The following ASCC1 variants were observed in gnomAD, a reference collection of about 807,000 sequenced individuals.
ASCC1 encodes the protein activating signal cointegrator 1 complex subunit 1.
A neutral mutation model predicts 46.6 loss-of-function variants in ASCC1; 35 were observed. The observed-to-expected ratio is 0.75, with a 90% CI of 0.57 to 0.99. ASCC1 has a LOEUF of 0.99. ASCC1 is among the 50% of genes least tolerant of loss of function. The pLI, the probability that ASCC1 is intolerant of heterozygous loss-of-function variation, is 0.00. For synonymous variants in ASCC1, 143 were observed against 146.6 expected, an observed-to-expected ratio of 0.98 and a Z score of 0.18; for missense variants, 376 against 428.7, an observed-to-expected ratio of 0.88 and a Z score of 1.09.
At chr10:72,111,781 A>G (rs1842948176) in intron 9 of ASCC1, among the ~76,000 whole-genome samples, 1 of 152,030 alleles carries the variant, frequency 6.6e-6, no homozygotes, top group Non-Finnish European at 1.5e-5. Context: ...AGCTGGGACT[A>G]CAGGTGCCTG....
intron 9 of ASCC1, among the ~76,000 whole-genome samples, chr10:72,115,657 T>C (rs1211886615): frequency 6.6e-6 from 1 of 152,106 alleles, no homozygotes; most frequent in Admixed American, 6.5e-5. Flanking sequence ...AAAGTAAAAG[T>C]AGGTCAAGGC....
chr10:72,115,342 G>C (rs919696697), intron 9 of ASCC1, among the ~76,000 whole-genome samples: 1 of 142,698 alleles, frequency 7.0e-6, no homozygotes, highest in Non-Finnish European at 1.5e-5. Context: ...AGTAGGGAGA[G>C]GGGGGTAGCT....
At chr10:72,172,482 CT>C (rs1168982144) in intron 5 of ASCC1, among the ~76,000 whole-genome samples, 3 of 146,162 alleles carry the variant, frequency 2.1e-5, no homozygotes, top group Non-Finnish European at 4.5e-5. Context: ...TGTTTTTAAG[CT>C]TTTATAGATG....
At chr10:72,156,766 C>T (rs1849028251) in intron 6 of ASCC1, among the ~76,000 whole-genome samples, 1 of 136,122 alleles carries the variant, frequency 7.3e-6, no homozygotes, top group Admixed American at 7.6e-5. Context: ...AATAAGACTC[C>T]ATCTCAAAAA....
chr10:72,185,261 A>G (rs1380410628), intron 5 of ASCC1, among the ~76,000 whole-genome samples: 1 of 152,238 alleles, frequency 6.6e-6, no homozygotes, highest in African/African-American at 2.4e-5. Context: ...TAATCCAACA[A>G]TTACACTATT....
chr10:72,163,445 G>A (rs982820518), intron 5 of ASCC1, among the ~76,000 whole-genome samples: 1 of 152,244 alleles, frequency 6.6e-6, no homozygotes, highest in East Asian at 1.9e-4. Flanking sequence ...AAAAAGGAAT[G>A]AAATTCTGGC....
intron 5 of ASCC1, among the ~76,000 whole-genome samples, chr10:72,169,556 CAAAT>C (rs1261275932): frequency 3.3e-5 from 5 of 151,914 alleles, no homozygotes; most frequent in Non-Finnish European, 7.4e-5. Flanking sequence ...AAACACAGGA[CAAAT>C]AAACCAGAAA....
intron 9 of ASCC1, among the ~76,000 whole-genome samples, chr10:72,105,803 G>A (rs1331877468): frequency 6.6e-6 from 1 of 152,128 alleles, no homozygotes; most frequent in African/African-American, 2.4e-5. Context: ...ATTTTTCCTT[G>A]CATTCGTTTC....
intron 8 of ASCC1, among the ~76,000 whole-genome samples, chr10:72,130,381 T>C (rs1445518595): frequency 6.6e-6 from 1 of 152,046 alleles, no homozygotes; most frequent in East Asian, 1.9e-4. Flanking sequence ...AATTGTAGAG[T>C]ATGTGAATTA....
chr10:72,149,387 T>G (rs1031815961), intron 7 of ASCC1, among the ~76,000 whole-genome samples: 35 of 123,402 alleles, frequency 2.8e-4, no homozygotes, highest in South Asian at 7.5e-4. Context: ...GCAGTAAGCC[T>G]AGATCACGCC....
intron 6 of ASCC1, among the ~76,000 whole-genome samples, chr10:72,153,920 C>T (rs1013969468): frequency 6.6e-6 from 1 of 151,988 alleles, no homozygotes; most frequent in Non-Finnish European, 1.5e-5. Flanking sequence ...TGGGGTTTAG[C>T]TATATTGGCC....
At chr10:72,176,939 C>A (rs7099664) in intron 5 of ASCC1, among the ~76,000 whole-genome samples, 55,874 of 151,254 alleles carry the variant, frequency 0.37, 12,365 homozygotes, top group Non-Finnish European at 0.51. Context: ...GCAACCACTA[C>A]AGAATTTCTC....
At chr10:72,110,914 C>T (rs1247172269) in intron 9 of ASCC1, among the ~76,000 whole-genome samples, 1 of 152,188 alleles carries the variant, frequency 6.6e-6, no homozygotes. Context: ...AGAGAGGCTG[C>T]CACATGTTAT....
intron 8 of ASCC1, among the ~76,000 whole-genome samples, chr10:72,128,605 G>T (rs1052126699): frequency 2.0e-5 from 3 of 152,166 alleles, no homozygotes; most frequent in African/African-American, 7.2e-5. Context: ...ACATTAGCTA[G>T]TCAAAACTCA....
At chr10:72,116,708 C>T (rs1054798350) in intron 9 of ASCC1, among the ~76,000 whole-genome samples, 17 of 152,298 alleles carry the variant, frequency 1.1e-4, no homozygotes, top group South Asian at 4.1e-4. Flanking sequence ...TCAGTTATTG[C>T]CTTTTATAGA....
chr10:72,128,499 G>A (rs1000234969), intron 8 of ASCC1, among the ~76,000 whole-genome samples: 6 of 152,210 alleles, frequency 3.9e-5, no homozygotes, highest in Admixed American at 2.0e-4. Context: ...CAAAGTGAGA[G>A]GCAGGACTAA....
intron 6 of ASCC1, among the ~76,000 whole-genome samples, chr10:72,159,903 CTTTTT>C (rs900754769): frequency 7.7e-6 from 1 of 129,934 alleles, no homozygotes; most frequent in South Asian, 2.4e-4. Flanking sequence ...TACACAGTTT[CTTTTT>C]TTTTTTTTTT....
chr10:72,214,613 G>A (rs1485659262), intron 1 of ASCC1, among the ~76,000 whole-genome samples: 2 of 151,854 alleles, frequency 1.3e-5, no homozygotes, highest in Non-Finnish European at 2.9e-5. Flanking sequence ...CTGGCCTCAG[G>A]TGATCCACCC....
intron 9 of ASCC1, among the ~76,000 whole-genome samples, chr10:72,109,231 T>C (rs1005561363): frequency 6.6e-6 from 1 of 152,172 alleles, no homozygotes; most frequent in Non-Finnish European, 1.5e-5. Flanking sequence ...TCGTGGCCTC[T>C]ATTAGGAGAG....
Sources: gnomAD v4.1 joint callset for allele counts (sites outside exome capture counted in the v4.1 genomes callset) on GRCh38, gnomAD v4.1.1 for gene constraint, MANE v1.5 for transcripts, NCBI Gene and HGNC (gene_info 2026-07-23, HGNC 2026-07-21) for gene names.